The following POU2AF1 variants were observed in gnomAD, a reference collection of about 807,000 sequenced individuals.
POU2AF1 encodes POU domain class 2-associating factor 1.
A neutral mutation model predicts 26.3 loss-of-function variants in POU2AF1; 12 were observed. The observed-to-expected ratio is 0.46, with a 90% CI of 0.29 to 0.74. The LOEUF (loss-of-function observed/expected upper bound fraction) is 0.74. Ranked by LOEUF, POU2AF1 falls within the 30% of genes least tolerant of loss-of-function variation. The pLI, the probability that POU2AF1 is intolerant of heterozygous loss-of-function variation, is 0.09. For synonymous variants in POU2AF1, 175 were observed against 148.0 expected (o/e 1.18, Z -1.32); for missense variants, 297 against 334.5 (o/e 0.89, Z 0.87).
chr11:111,354,624 A>G, intron 4 of POU2AF1, 49 bp from the exon 5 acceptor site: 1 of 1,437,306 alleles, frequency 7.0e-7, no homozygotes, highest in Non-Finnish European at 9.2e-7. Context: ...CAGGAGACCC[A>G]TCCACCCATC....
chr11:111,372,029 TACACACACAC>T (rs374971894), intron 1 of POU2AF1, among the ~76,000 whole-genome samples: 119 of 121,132 alleles, frequency 9.8e-4, no homozygotes, highest in East Asian at 3.0e-3. Flanking sequence ...CACACACAAA[TACACACACAC>T]ACACACACAC....
chr11:111,377,370 A>G (rs1330376336), intron 1 of POU2AF1, among the ~76,000 whole-genome samples: 1 of 151,994 alleles, frequency 6.6e-6, no homozygotes, highest in Non-Finnish European at 1.5e-5. Context: ...ACAGAGCAAC[A>G]CTCTGTCTCA....
In POU2AF1 at chr11:111,379,059, C is replaced by G. The variant is rs1385215736; in HGVS notation, c.16+103G>C. 11 of 1,409,418 alleles carry G rather than the reference C, an allele frequency of 7.8e-6. No homozygotes were observed. In the African/African-American group the frequency reaches 1.2e-4, roughly 15 times the overall value. The allele number at this position is 1,409,418 out of a possible 1,614,324, so 87.3% of individuals were successfully genotyped here. On this transcript the variant is annotated intron_variant, in intron 1 of 4. Transcript: ENST00000393067. Reference sequence around the variant, plus strand: ...GAACCCAGACCCCCTCCCCCCGTGGCCCCATCACCTCCACCACCAGCTCCC... The same window carrying G: ...GAACCCAGACCCCCTCCCCCCGTGGGCCCATCACCTCCACCACCAGCTCCC...
At chr11:111,369,866 G>A (rs562761162) in intron 1 of POU2AF1, among the ~76,000 whole-genome samples, 18 of 152,322 alleles carry the variant, frequency 1.2e-4, no homozygotes, top group South Asian at 8.3e-4. Flanking sequence ...TCTGAGCTAG[G>A]ATGGGAATAA....
At chr11:111,376,083 G>A (rs1861305643) in intron 1 of POU2AF1, among the ~76,000 whole-genome samples, 1 of 152,154 alleles carries the variant, frequency 6.6e-6, no homozygotes, top group South Asian at 2.1e-4. Context: ...ACATAACACT[G>A]ATCATTCAAG....
Position 111,357,626 on chromosome 11 carries a change from G to T in POU2AF1, c.275C>A (p.Thr92Asn), listed in dbSNP as rs754119748. The T allele has an allele frequency of 1.2e-6, 2 of 1,613,940 alleles. No individual in the cohort carries two copies. The highest frequency in any genetic ancestry group is 1.7e-6 in the Non-Finnish European group (2 of 1,179,940). Residue 92 changes from threonine to asparagine, a missense_variant, in exon 4 of 5, where the codon ACC becomes AAC. Physicochemically the swap from Thr to Asn is moderately conservative, Grantham distance 65. Transcript: ENST00000393067. ...GGCCAGGGGCTGCAGGGTGGCCGGGGTGGGCTGGGAGAGCCAGCCGGCACA... is the reference window on the plus strand; with the variant it reads ...GGCCAGGGGCTGCAGGGTGGCCGGGTTGGGCTGGGAGAGCCAGCCGGCACA... ...ALCAGWLSQP[T>N]PATLQPLAPW...
chr11:111,353,235 G>A lies in POU2AF1; in HGVS notation c.*1026C>T. 4.3e-6 allele frequency: 1 copy of A among 233,074 alleles called. No homozygotes were observed. The highest frequency in any genetic ancestry group is 6.0e-5 in the East Asian group (1 of 16,560). 14.4% of individuals were successfully genotyped at this position (233,074 alleles called of 1,614,324 possible). ...CAACTTCCCTTGCACGTATCCTCAA[G>A]GAGAGCAGCAAAACCATCTCTTCAA... On this transcript the variant is annotated 3_prime_UTR_variant, in exon 5 of 5. Transcript: ENST00000393067.
intron 1 of POU2AF1, among the ~76,000 whole-genome samples, chr11:111,370,035 G>A (rs1221495299): frequency 6.6e-6 from 1 of 152,166 alleles, no homozygotes; most frequent in Non-Finnish European, 1.5e-5. Context: ...TTGGAGAATG[G>A]ACTCTTCAGA....
rs374102399 is a variant in POU2AF1, at chr11:111,358,878, G to A, written c.57C>T (p.Tyr19=). ...PEQAPAPARP[Y]QGVRVKEPVK... ...CTGGCTCCTTCACACGGACGCCCTG[G>A]TATGGCCGGGCCGGGGCTGGGGCTT... Residue 19 remains tyrosine (Y), a synonymous_variant, in exon 2 of 5, where the codon TAC becomes TAT. Coordinates refer to ENST00000393067, the MANE Select transcript of POU2AF1 (RefSeq NM_006235.3). 5 of 1,608,146 alleles carry A rather than the reference G, an allele frequency of 3.1e-6. No homozygotes were observed. The African/African-American group carries it at 4.0e-5, about 13-fold the overall frequency.
At chr11:111,362,606 C>A (rs1861031852) in intron 1 of POU2AF1, among the ~76,000 whole-genome samples, 1 of 152,198 alleles carries the variant, frequency 6.6e-6, no homozygotes. Flanking sequence ...CACATAACGT[C>A]CTCCAGTTCC....
rs1860765142 is a variant in POU2AF1 at position 111,353,030 on chromosome 11, GAA to G, written c.*1229_*1230del. ...GGAAGGAAGGAAGGAAGGAAGGAAG[GAA>G]GGAAGGAAGGAAGGAAGGAAGGAAA... On this transcript the variant is annotated 3_prime_UTR_variant, in exon 5 of 5. Coordinates refer to ENST00000393067, the MANE Select transcript of POU2AF1 (RefSeq NM_006235.3). 6.6e-6 allele frequency: 1 copy of G among 150,546 alleles called. No individual in the cohort carries two copies. The highest frequency in any genetic ancestry group is 7.7e-5 in the Admixed American group (1 of 13,000). The allele number at this position is 150,546 out of a possible 1,614,324, so 9.3% of individuals were successfully genotyped here. A position where few individuals can be genotyped will look rare whatever the true frequency, so the allele number is the denominator to read the frequency against.
chr11:111,359,138 T>C, intron 1 of POU2AF1: 1 of 727,254 alleles, frequency 1.4e-6, no homozygotes, highest in Non-Finnish European at 2.2e-6. Context: ...CAGCTCCTTG[T>C]CCTAGAATTG....
intron 1 of POU2AF1, among the ~76,000 whole-genome samples, chr11:111,368,959 G>A (rs1474117738): frequency 6.6e-6 from 1 of 152,216 alleles, no homozygotes; most frequent in Non-Finnish European, 1.5e-5. Flanking sequence ...CCTTGGTACA[G>A]TGACCCTAAC....
chr11:111,363,300 A>C (rs1447690085), intron 1 of POU2AF1: 5 of 1,025,650 alleles, frequency 4.9e-6, no homozygotes, highest in African/African-American at 3.4e-5. Context: ...GGTAAGAAGG[A>C]GGGTGCTTCT....
rs1464304149 is a variant in POU2AF1 at position 111,357,547 on chromosome 11, G to A, written c.354C>T (p.Tyr118=). The change falls in exon 4 of 5, where the codon TAC becomes TAT. Residue 118 remains tyrosine (Y), a synonymous_variant. Coordinates refer to ENST00000393067, the MANE Select transcript of POU2AF1 (RefSeq NM_006235.3). ...YVPHEAVSCP[Y]SADMYVQPVC... ...CGGGCTGCACATACATGTCAGCTGA[G>A]TAGGGGCAGCTGACAGCTTCATGGG... 3.1e-6 allele frequency: 5 copies of A among 1,614,164 alleles called. No homozygotes were observed. The highest frequency in any genetic ancestry group is 4.2e-6 in the Non-Finnish European group (5 of 1,180,004).
At chr11:111,361,931 G>A (rs1861017356) in intron 1 of POU2AF1, among the ~76,000 whole-genome samples, 1 of 152,166 alleles carries the variant, frequency 6.6e-6, no homozygotes, top group African/African-American at 2.4e-5. Context: ...TAGGTCTGAA[G>A]GGACTTCTCA....
chr11:111,366,415 T>C (rs935172463), intron 1 of POU2AF1, among the ~76,000 whole-genome samples: 22 of 152,178 alleles, frequency 1.4e-4, no homozygotes, highest in African/African-American at 5.3e-4. Flanking sequence ...TGATGTACAA[T>C]TTGATGTTGC....
intron 1 of POU2AF1, among the ~76,000 whole-genome samples, chr11:111,366,226 G>A (rs766191984): frequency 3.3e-5 from 5 of 152,330 alleles, no homozygotes; most frequent in South Asian, 2.1e-4. Context: ...GCATGTAAAC[G>A]CAGACTTTCC....
chr11:111,361,862 A>G (rs1029808524), intron 1 of POU2AF1, among the ~76,000 whole-genome samples: 8 of 152,238 alleles, frequency 5.3e-5, no homozygotes, highest in African/African-American at 1.4e-4. Flanking sequence ...TCCGATTATC[A>G]TGAGTATTAG....
Sources: allele counts gnomAD v4.1 joint callset (sites outside exome capture counted in the v4.1 genomes callset), GRCh38; gene constraint gnomAD v4.1.1; transcripts MANE v1.5; gene names NCBI Gene and HGNC (gene_info 2026-07-23, HGNC 2026-07-21).